Variants in MAP3K7 observed in about 807,000 individuals in gnomAD.
MAP3K7 encodes the protein mitogen-activated protein kinase kinase kinase 7, also known as TGF-beta activated kinase 1.
MAP3K7 carries 21 observed loss-of-function variants against 84.8 expected under a neutral mutation model. That is an observed-to-expected ratio of 0.25 (90% CI 0.18 to 0.36). MAP3K7 has a LOEUF of 0.36. MAP3K7 is among the 10% of genes least tolerant of loss of function. The pLI, the probability that MAP3K7 is intolerant of heterozygous loss-of-function variation, is 1.00. For missense variants in MAP3K7, 503 were observed against 747.7 expected (o/e 0.67, Z 3.82); for synonymous variants, 241 against 247.7 (o/e 0.97, Z 0.25).
chr6:90,538,428 T>C (rs561176693), intron 12 of MAP3K7, among the ~76,000 whole-genome samples: 2 of 151,926 alleles, frequency 1.3e-5, no homozygotes, highest in East Asian at 1.9e-4. Context: ...ACCTATATTA[T>C]ACATGGTAGT....
intron 1 of MAP3K7, among the ~76,000 whole-genome samples, chr6:90,580,929 C>T (rs912073707): frequency 6.6e-6 from 1 of 152,110 alleles, no homozygotes; most frequent in African/African-American, 2.4e-5. Context: ...ATGGTTGAAA[C>T]CTCTTTGTTT....
At chr6:90,544,441 G>T in intron 12 of MAP3K7, 111 bp downstream of exon 12, 1 of 873,436 alleles carries the variant, frequency 1.1e-6, no homozygotes, top group Non-Finnish European at 1.9e-6. Context: ...CTGCATGCAA[G>T]GTATCCATTT....
chr6:90,556,408 A>G (rs1295331507), intron 6 of MAP3K7, 92 bp downstream of exon 6: 49 of 1,374,442 alleles, frequency 3.6e-5, no homozygotes, highest in Middle Eastern at 1.9e-4. Context: ...ATGCAGAAAT[A>G]AAACCATGGA....
intron 13 of MAP3K7, among the ~76,000 whole-genome samples, chr6:90,524,602 G>C (rs903558822): frequency 5.3e-5 from 8 of 152,054 alleles, no homozygotes; most frequent in African/African-American, 1.7e-4. Flanking sequence ...TTCTTAGATG[G>C]GCAAAAACTG....
intron 3 of MAP3K7, among the ~76,000 whole-genome samples, chr6:90,562,909 G>C (rs1776574767): frequency 6.6e-6 from 1 of 152,136 alleles, no homozygotes; most frequent in Non-Finnish European, 1.5e-5. Flanking sequence ...AACATTTGCT[G>C]TTCTGCAGTA....
chr6:90,549,094 G>C (rs542827019), intron 9 of MAP3K7, among the ~76,000 whole-genome samples: 1 of 152,206 alleles, frequency 6.6e-6, no homozygotes, highest in Non-Finnish European at 1.5e-5. Flanking sequence ...AGACAGGGGA[G>C]AATTGCTCAG....
intron 9 of MAP3K7, among the ~76,000 whole-genome samples, chr6:90,549,577 G>T (rs1776116541): frequency 6.6e-6 from 1 of 152,152 alleles, no homozygotes; most frequent in Admixed American, 6.5e-5. Context: ...GAATTAAGTG[G>T]AGGGAGAAAG....
At chr6:90,519,414 G>T in intron 14 of MAP3K7, 95 bp from the exon 15 acceptor site, 1 of 738,448 alleles carries the variant, frequency 1.4e-6, no homozygotes, top group Non-Finnish European at 2.3e-6. Flanking sequence ...TTTCCCTAAA[G>T]TAAATAATAT....
chr6:90,551,231 G>C (rs565498228), intron 8 of MAP3K7: 1 of 152,198 alleles, frequency 6.6e-6, no homozygotes, highest in African/African-American at 2.4e-5. Flanking sequence ...AGTTCAAGCT[G>C]CTTTGCGTAA....
In MAP3K7 at chr6:90,514,467, T is replaced by A. The variant is rs932886969; in HGVS notation, c.*2034A>T. The A allele has an allele frequency of 6.6e-6, 1 of 152,084 alleles. No individual in the cohort carries two copies. The highest frequency in any genetic ancestry group is 1.5e-5 in the Non-Finnish European group (1 of 67,964). The allele number at this position is 152,084 out of a possible 1,614,324, so 9.4% of individuals were successfully genotyped here. On this transcript the variant is annotated 3_prime_UTR_variant, in exon 17 of 17. Coordinates refer to ENST00000369329, the MANE Select transcript of MAP3K7 (RefSeq NM_145331.3). ...CAACAGCCTCTTGCATTTGGTACCA[T>A]GACTAAAATCTACTATTTTCTTCCA... is the stretch of plus-strand genomic sequence containing the variant.
chr6:90,537,674 T>C (rs1233065326), intron 12 of MAP3K7, among the ~76,000 whole-genome samples: 1 of 151,998 alleles, frequency 6.6e-6, no homozygotes, highest in Non-Finnish European at 1.5e-5. Context: ...TCCAAAAATT[T>C]CAACTTTTCA....
intron 14 of MAP3K7, among the ~76,000 whole-genome samples, chr6:90,521,458 T>C (rs1400132047): frequency 6.6e-6 from 1 of 152,086 alleles, no homozygotes; most frequent in African/African-American, 2.4e-5. Flanking sequence ...TCCTTTCTGC[T>C]TTATGGCTAA....
At position 90,547,247 on chromosome 6, in the gene MAP3K7, T is replaced by C. The variant is rs370054432; in HGVS notation, c.1210+11A>G. On this transcript the variant is annotated intron_variant, in intron 11 of 16. Coordinates refer to ENST00000369329, the MANE Select transcript of MAP3K7 (RefSeq NM_145331.3). ...ACATTTTCACTCTTCAGACTTGTAG[T>C]TCCTTTTTACCTGTGGTTGCGGCGA... The C allele has an allele frequency of 6.9e-5, 111 of 1,613,178 alleles. No individual in the cohort carries two copies. The highest frequency in any genetic ancestry group is 8.8e-5 in the Non-Finnish European group (104 of 1,179,584).
At chr6:90,518,794 T>C (rs780604075) in intron 15 of MAP3K7, among the ~76,000 whole-genome samples, 3 of 151,848 alleles carry the variant, frequency 2.0e-5, no homozygotes, top group African/African-American at 7.2e-5. Flanking sequence ...ATCATGATTG[T>C]TGGAGTTGTA....
intron 13 of MAP3K7, among the ~76,000 whole-genome samples, chr6:90,534,359 T>C (rs1034240858): frequency 1.3e-5 from 2 of 152,176 alleles, no homozygotes; most frequent in East Asian, 1.9e-4. Context: ...GCCACTCTCA[T>C]GCCAAGCTGA....
rs34834466 is a variant in MAP3K7, at chr6:90,555,079, T to C, written c.607+1421A>G. Among the ~76,000 whole-genome samples the C allele has an allele frequency of 4.2e-3, 639 of 152,336 alleles. 4 individuals carry two copies. The highest frequency in any genetic ancestry group is 0.015 in the African/African-American group (609 of 41,580). ...TTCCTAACATACAAATCACATACCTTCAGTTCAACTTCTTTCATTTAAAAG... is the reference window on the plus strand; with the variant it reads ...TTCCTAACATACAAATCACATACCTCCAGTTCAACTTCTTTCATTTAAAAG... On this transcript the variant is annotated intron_variant, in intron 6 of 16. Transcript: ENST00000369329.
intron 12 of MAP3K7, among the ~76,000 whole-genome samples, chr6:90,537,718 T>C (rs947561048): frequency 6.6e-6 from 1 of 151,986 alleles, no homozygotes; most frequent in Non-Finnish European, 1.5e-5. Context: ...GTGCATTTAT[T>C]GAATTAGATC....
chr6:90,545,237 C>G (rs554333508), intron 11 of MAP3K7, among the ~76,000 whole-genome samples: 1 of 152,034 alleles, frequency 6.6e-6, no homozygotes, highest in South Asian at 2.1e-4. Context: ...CAAAGTCTGT[C>G]AAAAGGCTGG....
At chr6:90,547,991 A>G (rs1408996083) in intron 10 of MAP3K7, 56 bp downstream of exon 10, 1 of 1,443,036 alleles carries the variant, frequency 6.9e-7, no homozygotes, top group Non-Finnish European at 9.4e-7. Flanking sequence ...TTCAGTTAGT[A>G]TAATATTGTG....
Sources: gnomAD v4.1 joint callset for allele counts (sites outside exome capture counted in the v4.1 genomes callset) on GRCh38, gnomAD v4.1.1 for gene constraint, MANE v1.5 for transcripts, NCBI Gene and HGNC (gene_info 2026-07-23, HGNC 2026-07-21) for gene names.